SYT1: variants seen among roughly 807,000 people sequenced by gnomAD.
SYT1 encodes the protein synaptotagmin-1.
In SYT1, 8 loss-of-function variants were observed where a neutral mutation model predicts 44.8. The observed-to-expected ratio is 0.18, with a 90% confidence interval of 0.10 to 0.32. The LOEUF (loss-of-function observed/expected upper bound fraction) is 0.32, where lower values mean the gene tolerates loss of function less well. SYT1 is among the 10% of genes least tolerant of loss of function. The pLI, the probability that SYT1 is intolerant of heterozygous loss-of-function variation, is 1.00. For synonymous variants in SYT1, 154 were observed against 188.8 expected (o/e 0.82, Z 1.51); for missense variants, 286 against 509.3 (o/e 0.56, Z 4.22).
chr12:78,977,448 C>T (rs1348118478), intron 1 of SYT1: 2 of 152,214 alleles, frequency 1.3e-5, no homozygotes, highest in Non-Finnish European at 2.9e-5. Flanking sequence ...AGATAATTCC[C>T]TGCTGTTGGT....
At chr12:79,320,620 G>A (rs1421865906) in intron 8 of SYT1, among the ~76,000 whole-genome samples, 2 of 150,164 alleles carry the variant, frequency 1.3e-5, no homozygotes, top group Admixed American at 6.6e-5. Context: ...CACCTCTCTC[G>A]GGTAATTTAT....
At chr12:79,350,324 C>T (rs1386779279) in intron 8 of SYT1, among the ~76,000 whole-genome samples, 3 of 147,200 alleles carry the variant, frequency 2.0e-5, no homozygotes, top group Non-Finnish European at 4.4e-5. Context: ...GCGATCTCGG[C>T]TCACTGCAAG....
intron 3 of SYT1, among the ~76,000 whole-genome samples, chr12:79,197,400 A>G (rs949092357): frequency 1.3e-5 from 2 of 152,150 alleles, no homozygotes; most frequent in Non-Finnish European, 2.9e-5. Flanking sequence ...ATTAGGATGG[A>G]CTAAGAGTGA....
At chr12:79,274,894 A>T (rs185342854) in intron 4 of SYT1, among the ~76,000 whole-genome samples, 1 of 152,260 alleles carries the variant, frequency 6.6e-6, no homozygotes, top group African/African-American at 2.4e-5. Context: ...AGGAAATCTT[A>T]GAGAGATACA....
chr12:79,196,544 G>A (rs560224420), intron 3 of SYT1, among the ~76,000 whole-genome samples: 6 of 152,268 alleles, frequency 3.9e-5, no homozygotes, highest in African/African-American at 1.4e-4. Context: ...CAATTATATG[G>A]AGGAAAAGGA....
At chr12:78,907,586 A>G (rs1876065839) in intron 1 of SYT1, among the ~76,000 whole-genome samples, 1 of 151,994 alleles carries the variant, frequency 6.6e-6, no homozygotes, top group Non-Finnish European at 1.5e-5. Flanking sequence ...TCTTTCCAGA[A>G]GTTGCATACT....
At chr12:79,151,657 G>A (rs1486079291) in intron 3 of SYT1, among the ~76,000 whole-genome samples, 1 of 152,134 alleles carries the variant, frequency 6.6e-6, no homozygotes, top group Non-Finnish European at 1.5e-5. Flanking sequence ...CTGGACCAAA[G>A]ATTATGAGTA....
intron 9 of SYT1, among the ~76,000 whole-genome samples, chr12:79,385,971 C>G (rs1884419622): frequency 6.6e-6 from 1 of 152,134 alleles, no homozygotes; most frequent in South Asian, 2.1e-4. Context: ...TATGTATACT[C>G]AGGCTGGCCC....
chr12:79,178,336 G>A (rs1243156203), intron 3 of SYT1, among the ~76,000 whole-genome samples: 8 of 151,008 alleles, frequency 5.3e-5, no homozygotes, highest in South Asian at 4.2e-4. Context: ...CAATTTTTTT[G>A]TAGTCCATCA....
chr12:79,051,000 T>C (rs1400075557), intron 3 of SYT1, among the ~76,000 whole-genome samples: 1 of 151,980 alleles, frequency 6.6e-6, no homozygotes, highest in African/African-American at 2.4e-5. Context: ...TATGGCCTGA[T>C]AGGTCAAGTC....
At chr12:79,012,197 T>C (rs561363068) in intron 2 of SYT1, among the ~76,000 whole-genome samples, 1 of 151,672 alleles carries the variant, frequency 6.6e-6, no homozygotes, top group African/African-American at 2.4e-5. Context: ...TCTCAGGCTG[T>C]ACCTGAGAAC....
intron 9 of SYT1, among the ~76,000 whole-genome samples, chr12:79,432,425 C>T (rs1869850480): frequency 6.6e-6 from 1 of 151,338 alleles, no homozygotes. Context: ...CGTGTGTTCT[C>T]ATTGTTCAAT....
At chr12:79,269,307 C>T (rs1021026819) in intron 4 of SYT1, among the ~76,000 whole-genome samples, 4 of 152,056 alleles carry the variant, frequency 2.6e-5, no homozygotes, top group South Asian at 2.1e-4. Context: ...CCTTCTCTAA[C>T]CAGCTACCTA....
intron 2 of SYT1, among the ~76,000 whole-genome samples, chr12:79,042,357 A>T (rs1369030594): frequency 6.7e-6 from 1 of 149,310 alleles, no homozygotes; most frequent in Non-Finnish European, 1.5e-5. Context: ...GTCCTGGGAG[A>T]GTGTATGTGT....
intron 9 of SYT1, among the ~76,000 whole-genome samples, chr12:79,398,308 T>C (rs1884947278): frequency 6.6e-6 from 1 of 152,228 alleles, no homozygotes; most frequent in Admixed American, 6.5e-5. Flanking sequence ...GCAGTAGTTA[T>C]CTCATATTTA....
rs371671614 is a variant in SYT1, at chr12:78,949,044, T to G, written c.-216-28755T>G. ...AGGTTTCTTGAATTGGGTCACTGCT[T>G]TCTTTAGTCATACTAAGTTCAGTGA... On this transcript the variant is annotated intron_variant, in intron 1 of 10. Transcript: ENST00000261205. 9.3e-5 allele frequency among the ~76,000 whole-genome samples: 14 copies of G among 151,130 alleles called. 1 individual carries two copies. The highest frequency in any genetic ancestry group is 5.8e-4 in the East Asian group (3 of 5,162).
chr12:78,994,891 T>G (rs1186331650), intron 2 of SYT1, among the ~76,000 whole-genome samples: 1 of 152,142 alleles, frequency 6.6e-6, no homozygotes, highest in African/African-American at 2.4e-5. Flanking sequence ...GCAGAGTTTC[T>G]GTTTTTTGTT....
chr12:79,142,171 T>C (rs1040617546), intron 3 of SYT1, among the ~76,000 whole-genome samples: 2 of 152,192 alleles, frequency 1.3e-5, no homozygotes, highest in Non-Finnish European at 2.9e-5. Context: ...GCACAGACAT[T>C]GCAGACCAGA....
chr12:78,981,096 T>A (rs906663024), intron 2 of SYT1, among the ~76,000 whole-genome samples: 2 of 151,756 alleles, frequency 1.3e-5, no homozygotes, highest in Non-Finnish European at 2.9e-5. Flanking sequence ...TGTTTTTGTG[T>A]TTTTTGTTGT....
Sources: gnomAD v4.1 joint callset for allele counts (sites outside exome capture counted in the v4.1 genomes callset) on GRCh38, gnomAD v4.1.1 for gene constraint, MANE v1.5 for transcripts, NCBI Gene and HGNC (gene_info 2026-07-23, HGNC 2026-07-21) for gene names.